The following ERP27 variants were observed in gnomAD, a reference collection of about 807,000 sequenced individuals.
The protein encoded by ERP27 is endoplasmic reticulum protein 27.
A neutral mutation model predicts 27.7 loss-of-function variants in ERP27; 23 were observed. The observed-to-expected ratio is 0.83, with a 90% CI of 0.60 to 1.18. The LOEUF (loss-of-function observed/expected upper bound fraction) is 1.18. Among genes scored for constraint, ERP27 ranks in the 50% most tolerant of loss-of-function variants. The pLI is 0.00. For synonymous variants in ERP27, 159 were observed against 118.3 expected, an observed-to-expected ratio of 1.34 and a Z score of -2.23; for missense variants, 363 against 327.9, an observed-to-expected ratio of 1.11 and a Z score of -0.83.
At chr12:14,931,925 C>T (rs1863703660) in intron 3 of ERP27, among the ~76,000 whole-genome samples, 1 of 152,092 alleles carries the variant, frequency 6.6e-6, no homozygotes, top group African/African-American at 2.4e-5. Flanking sequence ...AGGCATTTGC[C>T]TAACCTTCCA....
intron 5 of ERP27, among the ~76,000 whole-genome samples, chr12:14,916,762 A>C (rs559435456): frequency 6.6e-6 from 1 of 152,300 alleles, no homozygotes; most frequent in African/African-American, 2.4e-5. Flanking sequence ...GGGGAGGGAA[A>C]GAAAGAAATA....
intron 3 of ERP27, chr12:14,929,131 T>A (rs1403683106): frequency 4.1e-6 from 6 of 1,458,902 alleles, no homozygotes; most frequent in Non-Finnish European, 4.5e-6. Context: ...TGTGCATGGA[T>A]CAAGAATCCC....
At chr12:14,927,497 A>G (rs1863621906) in intron 3 of ERP27, among the ~76,000 whole-genome samples, 1 of 92,544 alleles carries the variant, frequency 1.1e-5, no homozygotes, top group Admixed American at 1.1e-4. Context: ...GGGATGTGAA[A>G]GGTGTTGTAC....
intron 5 of ERP27, among the ~76,000 whole-genome samples, chr12:14,916,636 CTTATT>C (rs1476817211): frequency 1.3e-5 from 2 of 152,116 alleles, no homozygotes; most frequent in Non-Finnish European, 2.9e-5. Flanking sequence ...CAGAAAGGCG[CTTATT>C]TTATTACCAG....
intron 3 of ERP27, chr12:14,928,994 C>A: frequency 6.5e-7 from 1 of 1,535,322 alleles, no homozygotes; most frequent in Non-Finnish European, 8.7e-7. Flanking sequence ...TTTGCTATTG[C>A]AACCACCAAA....
chr12:14,920,759 T>C (rs1863488732), intron 4 of ERP27, among the ~76,000 whole-genome samples, 173 bp downstream of exon 4: 1 of 152,196 alleles, frequency 6.6e-6, no homozygotes, highest in South Asian at 2.1e-4. Flanking sequence ...TTTTTTTGTC[T>C]AACAGGAACA....
chr12:14,932,945 A>C (rs1457314019), intron 3 of ERP27, among the ~76,000 whole-genome samples: 2 of 152,252 alleles, frequency 1.3e-5, no homozygotes, highest in African/African-American at 4.8e-5. Context: ...TATAGTGCTT[A>C]TGAGGGTATA....
At chr12:14,927,364 T>A (rs1048617691) in intron 3 of ERP27, among the ~76,000 whole-genome samples, 2 of 151,918 alleles carry the variant, frequency 1.3e-5, no homozygotes, top group African/African-American at 4.8e-5. Context: ...TATATATATA[T>A]CTAAAATCAC....
chr12:14,926,256 C>A lies in ERP27; in HGVS notation c.334-5208G>T, dbSNP rs568483467. On this transcript the variant is annotated intron_variant, in intron 3 of 6. Coordinates refer to ENST00000266397, the MANE Select transcript of ERP27 (RefSeq NM_152321.4). ...ACTGTTATTCTTTCTCTCTAGGAAT[C>A]CTTGTTGCCTAAAAGTCTACTTTGT... 4.6e-5 allele frequency among the ~76,000 whole-genome samples: 7 copies of A among 152,238 alleles called. No homozygotes were observed. The South Asian group carries it at 1.5e-3, about 32-fold the overall frequency.
chr12:14,921,571 G>A (rs1165731996), intron 3 of ERP27, among the ~76,000 whole-genome samples: 1 of 152,126 alleles, frequency 6.6e-6, no homozygotes, highest in Non-Finnish European at 1.5e-5. Context: ...AGGGCAAGGG[G>A]GGTCATTGGC....
chr12:14,936,940 G>A (rs1303319755), intron 2 of ERP27, among the ~76,000 whole-genome samples: 1 of 152,176 alleles, frequency 6.6e-6, no homozygotes, highest in African/African-American at 2.4e-5. Flanking sequence ...AGCAGAGGGA[G>A]CTGGTATCTA....
At chr12:14,915,901 A>C (rs1411838538) in intron 5 of ERP27, 1 of 515,266 alleles carries the variant, frequency 1.9e-6, no homozygotes, top group Non-Finnish European at 3.4e-6. Context: ...TATTATCCTT[A>C]GCAAACTAAC....
chr12:14,933,836 G>T (rs750723246), intron 3 of ERP27, among the ~76,000 whole-genome samples: 3 of 152,014 alleles, frequency 2.0e-5, no homozygotes, highest in Non-Finnish European at 2.9e-5. Context: ...TTTAATTTCT[G>T]TTGCTACCTC....
Position 14,915,599 on chromosome 12 carries a change from A to T in ERP27, c.664T>A (p.Leu222Met). The change falls in exon 6 of 7, where the codon TTG (leucine) becomes ATG (methionine). Residue 222 changes from leucine to methionine, a missense_variant. Physicochemically the swap from Leu to Met is conservative, Grantham distance 15. Coordinates refer to ENST00000266397, the MANE Select transcript of ERP27 (RefSeq NM_152321.4). ...TCATCTAGAGTCTGGTAAATTGCCA[A>T]AGCTGGCAGTTGAGACTCCTTTAGT... ...FKLKESQLPA[L>M]AIYQTLDDEW... 1 of 1,614,206 alleles carries T rather than the reference A, an allele frequency of 6.2e-7. No homozygotes were observed. Among genetic ancestry groups the T allele is most frequent in the Non-Finnish European group, 8.5e-7 (1 of 1,180,038 alleles).
At position 14,928,914 on chromosome 12, in the gene ERP27, G is replaced by A. The variant is rs1863654005; in HGVS notation, c.333+5942C>T. On this transcript the variant is annotated intron_variant, in intron 3 of 6. Coordinates refer to ENST00000266397, the MANE Select transcript of ERP27 (RefSeq NM_152321.4). The stretch of plus-strand genomic sequence containing the variant: ...AGCACACAAAAAAATAATATTTGCA[G>A]CTCCTCTAGATACTTAATGCTGCTA... The A allele has an allele frequency of 3.9e-6, 6 of 1,527,930 alleles. No individual in the cohort carries two copies. The East Asian group carries it at 1.2e-4, about 31-fold the overall frequency. 94.6% of individuals were successfully genotyped at this position (1,527,930 alleles called of 1,614,324 possible). A position where few individuals can be genotyped will look rare whatever the true frequency, so the allele number is the denominator to read the frequency against.
At chr12:14,928,520 G>A (rs1333663797) in intron 3 of ERP27, among the ~76,000 whole-genome samples, 6 of 152,142 alleles carry the variant, frequency 3.9e-5, no homozygotes, top group Admixed American at 1.3e-4. Flanking sequence ...ATTATTTGCC[G>A]AGTGCCTGCT....
At chr12:14,916,021 G>A (rs775996471) in intron 5 of ERP27, among the ~76,000 whole-genome samples, 13 of 152,010 alleles carry the variant, frequency 8.6e-5, no homozygotes, top group Non-Finnish European at 1.3e-4. Context: ...TCTACTTGGG[G>A]GGTGGAGGGT....
chr12:14,920,808 A>G, intron 4 of ERP27, 124 bp downstream of exon 4: 1 of 705,242 alleles, frequency 1.4e-6, no homozygotes, highest in African/African-American at 1.8e-5. Context: ...ATAGTAACAT[A>G]AACAATACAG....
At chr12:14,937,904 A>C (rs1247750292) in intron 2 of ERP27, 48 bp downstream of exon 2, 1 of 1,545,652 alleles carries the variant, frequency 6.5e-7, no homozygotes, top group Non-Finnish European at 8.9e-7. Context: ...GGTTCCCTTA[A>C]GGTAGAACAT....
Sources: allele counts gnomAD v4.1 joint callset (sites outside exome capture counted in the v4.1 genomes callset), GRCh38; gene constraint gnomAD v4.1.1; transcripts MANE v1.5; gene names NCBI Gene and HGNC (gene_info 2026-07-23, HGNC 2026-07-21).